VAV3: variants seen among roughly 807,000 people sequenced by gnomAD.
The protein encoded by VAV3 is vav guanine nucleotide exchange factor 3, also known as guanine nucleotide exchange factor VAV3.
Under a neutral mutation model 131.2 loss-of-function variants are expected in VAV3, and 94 were observed. That is an observed-to-expected ratio of 0.72 (90% CI 0.61 to 0.85). VAV3 has a LOEUF of 0.85. VAV3 is among the 40% of genes least tolerant of loss of function. VAV3 has a pLI of 0.00. For missense variants in VAV3, 939 were observed against 1,002.7 expected (o/e 0.94, Z 0.86); for synonymous variants, 349 against 342.0 (o/e 1.02, Z -0.22).
At chr1:107,805,419 T>C (rs1460720328) in intron 2 of VAV3, among the ~76,000 whole-genome samples, 1 of 152,328 alleles carries the variant, frequency 6.6e-6, no homozygotes, top group East Asian at 1.9e-4. Flanking sequence ...TCCTTTCCTC[T>C]GCCTGAGCAA....
intron 19 of VAV3, among the ~76,000 whole-genome samples, chr1:107,681,378 C>G (rs1658597886): frequency 6.6e-6 from 1 of 152,226 alleles, no homozygotes; most frequent in African/African-American, 2.4e-5. Context: ...TAAACAATAG[C>G]CACATGAGGA....
intron 25 of VAV3, among the ~76,000 whole-genome samples, chr1:107,586,919 G>A (rs1650544945): frequency 6.6e-6 from 1 of 152,036 alleles, no homozygotes; most frequent in African/African-American, 2.4e-5. Flanking sequence ...AACTTAATTT[G>A]TTCAGAAAAT....
chr1:107,925,846 A>G (rs1288501568), intron 1 of VAV3, among the ~76,000 whole-genome samples: 1 of 151,682 alleles, frequency 6.6e-6, no homozygotes, highest in East Asian at 1.9e-4. Flanking sequence ...TTACATATAT[A>G]CCATATATGT....
intron 15 of VAV3, among the ~76,000 whole-genome samples, chr1:107,728,613 G>GTATATGTATATGTATATGTATATC: frequency 9.8e-6 from 1 of 102,024 alleles, no homozygotes; most frequent in Admixed American, 1.1e-4. Context: ...ATATGTATAT[G>GTATATGTATATGTATATGTATATC]TATATGTATA....
At chr1:107,790,113 G>T (rs1194533288) in intron 2 of VAV3, among the ~76,000 whole-genome samples, 1 of 152,174 alleles carries the variant, frequency 6.6e-6, no homozygotes, top group East Asian at 1.9e-4. Context: ...GCAAAGCAGA[G>T]AAAAGCCTAC....
intron 2 of VAV3, among the ~76,000 whole-genome samples, chr1:107,785,830 A>G (rs1665950630): frequency 6.6e-6 from 1 of 152,210 alleles, no homozygotes; most frequent in Non-Finnish European, 1.5e-5. Context: ...ATTAGGTCTA[A>G]TTCTAAACCA....
chr1:107,885,331 C>A (rs138118714), intron 1 of VAV3, among the ~76,000 whole-genome samples: 83 of 151,798 alleles, frequency 5.5e-4, no homozygotes, highest in African/African-American at 1.8e-3. Context: ...ATGCTAATGG[C>A]AGACTAATGC....
intron 17 of VAV3, among the ~76,000 whole-genome samples, chr1:107,699,899 T>C (rs1659993021): frequency 6.6e-6 from 1 of 152,126 alleles, no homozygotes; most frequent in Non-Finnish European, 1.5e-5. Flanking sequence ...AAACATCACA[T>C]ATAAGGGCGA....
intron 1 of VAV3, among the ~76,000 whole-genome samples, chr1:107,884,650 A>C (rs894577911): frequency 6.6e-6 from 1 of 151,544 alleles, no homozygotes; most frequent in African/African-American, 2.4e-5. Flanking sequence ...AGGTCTCACT[A>C]TGTTTCCCAG....
intron 1 of VAV3, among the ~76,000 whole-genome samples, chr1:107,899,009 TTACTA>T (rs1671737725): frequency 1.3e-5 from 2 of 152,112 alleles, no homozygotes; most frequent in East Asian, 1.9e-4. Flanking sequence ...CTCCAAAAGC[TTACTA>T]TACATTAGAA....
chr1:107,651,007 G>A (rs983105212), intron 19 of VAV3, among the ~76,000 whole-genome samples: 5 of 152,072 alleles, frequency 3.3e-5, no homozygotes, highest in Non-Finnish European at 7.4e-5. Flanking sequence ...GAAAGAGGTG[G>A]AGCCTTTGAG....
chr1:107,809,517 C>T (rs1300428608), intron 2 of VAV3, among the ~76,000 whole-genome samples: 2 of 151,922 alleles, frequency 1.3e-5, no homozygotes, highest in Non-Finnish European at 2.9e-5. Context: ...ATTTTATGAG[C>T]GTTTATAATG....
chr1:107,877,853 T>A (rs1429035017), intron 1 of VAV3, among the ~76,000 whole-genome samples: 1 of 152,118 alleles, frequency 6.6e-6, no homozygotes, highest in Non-Finnish European at 1.5e-5. Context: ...TAGTGCTGAG[T>A]CTAGTGCGAG....
Position 107,964,935 on chromosome 1 carries a change from GCC to G in VAV3, c.-68_-67del. On this transcript the variant is annotated 5_prime_UTR_variant, in exon 1 of 27. Coordinates refer to ENST00000370056, the MANE Select transcript of VAV3 (RefSeq NM_006113.5). ...CAAGGATGCGGCCGCCGCCGCCGCC[GCC>G]GCGGTTCCTCCGCGCCCCGCCGACG... 8.3e-7 allele frequency: 1 copy of G among 1,208,400 alleles called. No homozygotes were observed. Among genetic ancestry groups the G allele is most frequent in the Non-Finnish European group, 1.0e-6 (1 of 962,066 alleles). The allele number at this position is 1,208,400 out of a possible 1,614,324, so 74.9% of individuals were successfully genotyped here.
intron 15 of VAV3, among the ~76,000 whole-genome samples, chr1:107,722,332 T>C (rs1408557972): frequency 1.3e-5 from 2 of 152,202 alleles, no homozygotes; most frequent in African/African-American, 2.4e-5. Context: ...TGAACTTCAA[T>C]TGTCCTGTGA....
chr1:107,653,727 T>C (rs961289645), intron 19 of VAV3, among the ~76,000 whole-genome samples: 4 of 152,164 alleles, frequency 2.6e-5, no homozygotes, highest in African/African-American at 9.6e-5. Flanking sequence ...AAGCCACCAA[T>C]GTTTCATAGG....
rs1570900787 is a variant in VAV3 at position 107,754,258 on chromosome 1, T to C, written c.1173+1169A>G. Among the ~76,000 whole-genome samples, 3 of 152,164 alleles carry C rather than the reference T, an allele frequency of 2.0e-5. No homozygotes were observed. The South Asian group carries it at 6.2e-4, about 32-fold the overall frequency. ...GACAAATTTGAGAAAGAGAGTAAAT[T>C]GAGAAATCCACATTTTGGAAATGCA... On this transcript the variant is annotated intron_variant, in intron 12 of 26. Transcript: ENST00000370056.
intron 2 of VAV3, among the ~76,000 whole-genome samples, chr1:107,874,684 T>C (rs1334593139): frequency 2.6e-5 from 4 of 151,116 alleles, no homozygotes; most frequent in Non-Finnish European, 5.9e-5. Flanking sequence ...TTTGGAAAGT[T>C]GATGCTAATT....
intron 2 of VAV3, among the ~76,000 whole-genome samples, chr1:107,814,208 T>G (rs1289226744): frequency 6.6e-6 from 1 of 152,108 alleles, no homozygotes. Flanking sequence ...AATAGTTCTA[T>G]TTTTGGGGAA....
Sources: allele counts gnomAD v4.1 joint callset (sites outside exome capture counted in the v4.1 genomes callset), GRCh38; gene constraint gnomAD v4.1.1; transcripts MANE v1.5; gene names NCBI Gene and HGNC (gene_info 2026-07-23, HGNC 2026-07-21).